Variants in EFCAB9 observed in about 807,000 individuals in gnomAD.
EFCAB9 encodes EF-hand calcium binding domain 9.
In EFCAB9, 16 loss-of-function variants were observed where a neutral mutation model predicts 15.6. The observed-to-expected ratio is 1.03, with a 90% CI of 0.69 to 1.56. The LOEUF (loss-of-function observed/expected upper bound fraction) is 1.56. Ranked by LOEUF, EFCAB9 falls within the 40% of genes most tolerant of loss-of-function variation. The pLI, the probability that EFCAB9 is intolerant of heterozygous loss-of-function variation, is 0.00. For missense variants in EFCAB9, 208 were observed against 235.4 expected (o/e 0.88, Z 0.76); for synonymous variants, 76 against 85.4 (o/e 0.89, Z 0.61).
chr5:172,197,052 G>A (rs763166677), intron 1 of EFCAB9, among the ~76,000 whole-genome samples: 22 of 151,860 alleles, frequency 1.4e-4, no homozygotes, highest in African/African-American at 3.6e-4. Flanking sequence ...AAAACACCAC[G>A]GTGAGGGAAA....
intron 1 of EFCAB9, among the ~76,000 whole-genome samples, chr5:172,195,548 G>A (rs980709958): frequency 6.6e-6 from 1 of 152,206 alleles, no homozygotes; most frequent in South Asian, 2.1e-4. Context: ...AGATGGAAAC[G>A]CAGGGCTCTC....
chr5:172,203,343 T>C lies in EFCAB9; in HGVS notation c.592T>C (p.Ter198GlnextTer13). 1 of 1,530,644 alleles carries C rather than the reference T, an allele frequency of 6.5e-7. No individual in the cohort carries two copies. Among genetic ancestry groups the C allele is most frequent in the Non-Finnish European group, 8.7e-7 (1 of 1,145,332 alleles). 94.8% of individuals were successfully genotyped at this position (1,530,644 alleles called of 1,614,324 possible). A position where few individuals can be genotyped will look rare whatever the true frequency, so the allele number is the denominator to read the frequency against. Residue 198 changes from the stop codon to glutamine, a stop_lost, in exon 4 of 4, where the codon TAG becomes CAG. Transcript: ENST00000398186. ...TCTCTACTCAAAATGTCACATCAAG[T>C]AGATACAAGCTGAAAGAGTCTTGGA... is the stretch of plus-strand genomic sequence containing the variant. ...RSLYSKCHIK[*>Q]
Sources: allele counts gnomAD v4.1 joint callset (sites outside exome capture counted in the v4.1 genomes callset), GRCh38; gene constraint gnomAD v4.1.1; transcripts MANE v1.5; gene names NCBI Gene and HGNC (gene_info 2026-07-23, HGNC 2026-07-21).